The following WDR33 variants were observed in gnomAD, a reference collection of about 807,000 sequenced individuals.
The protein encoded by WDR33 is pre-mRNA 3' end processing protein WDR33.
A neutral mutation model predicts 164.9 loss-of-function variants in WDR33; 47 were observed. The ratio of observed to expected loss-of-function variants is 0.29; its 90% CI spans 0.23 to 0.36. The LOEUF is 0.36. Ranked by LOEUF, WDR33 falls within the 10% of genes least tolerant of loss-of-function variation. The pLI, the probability that WDR33 is intolerant of heterozygous loss-of-function variation, is 1.00. For missense variants in WDR33, 1,137 were observed against 1,754.1 expected (o/e 0.65, Z 6.28); for synonymous variants, 505 against 589.0 (o/e 0.86, Z 2.06).
intron 2 of WDR33, among the ~76,000 whole-genome samples, chr2:127,769,369 T>C (rs944742139): frequency 2.6e-5 from 4 of 152,040 alleles, no homozygotes; most frequent in African/African-American, 9.7e-5. Flanking sequence ...AGGCGGAGGT[T>C]GCAGTGAGCT....
intron 7 of WDR33, among the ~76,000 whole-genome samples, chr2:127,734,426 T>C (rs1686789188): frequency 6.6e-6 from 1 of 152,236 alleles, no homozygotes; most frequent in African/African-American, 2.4e-5. Flanking sequence ...GATTAACCTG[T>C]GTCTAATATG....
intron 7 of WDR33, among the ~76,000 whole-genome samples, chr2:127,752,914 A>G (rs1687414421): frequency 6.6e-6 from 1 of 151,742 alleles, no homozygotes; most frequent in African/African-American, 2.4e-5. Flanking sequence ...CACTTATAAG[A>G]CTTTATTTAT....
chr2:127,754,794 C>A (rs1687474858), intron 7 of WDR33, among the ~76,000 whole-genome samples: 2 of 152,086 alleles, frequency 1.3e-5, no homozygotes, highest in Admixed American at 6.5e-5. Flanking sequence ...ATATCCTTCT[C>A]ATCCCCTATA....
Position 127,708,120 on chromosome 2 carries a change from T to G in WDR33, c.3781+557A>C, listed in dbSNP as rs1311446887. 1.3e-5 allele frequency among the ~76,000 whole-genome samples: 2 copies of G among 152,158 alleles called. No individual in the cohort carries two copies. Among genetic ancestry groups the G allele is most frequent in the East Asian group, 3.9e-4 (2 of 5,194 alleles). On this transcript the variant is annotated intron_variant, in intron 21 of 21. Transcript: ENST00000322313. This position sits in a 1 kb window ranked among gnomAD's most constrained non-coding sequence, Gnocchi z 6.7. ...CTGCCTTGCAACCAGAGTTGTATAG[T>G]CAGCCTTCAGAGGCAACTACTCCTG...
At chr2:127,761,584 A>AT (rs1687678362) in intron 7 of WDR33, among the ~76,000 whole-genome samples, 1 of 152,122 alleles carries the variant, frequency 6.6e-6, no homozygotes, top group African/African-American at 2.4e-5. Context: ...TGTTTCACTT[A>AT]TTTCTGTTTA....
chr2:127,730,907 T>C (rs903535937), intron 7 of WDR33, among the ~76,000 whole-genome samples: 1 of 151,684 alleles, frequency 6.6e-6, no homozygotes, highest in African/African-American at 2.4e-5. Context: ...TTTTTTTTGT[T>C]TGTTTGTTTG....
At chr2:127,767,312 A>G (rs1687852675) in intron 4 of WDR33, among the ~76,000 whole-genome samples, 1 of 152,192 alleles carries the variant, frequency 6.6e-6, no homozygotes. Context: ...TAGCTAGGAA[A>G]TGGAATAATC....
intron 1 of WDR33, among the ~76,000 whole-genome samples, chr2:127,773,675 T>C (rs991608717): frequency 5.3e-5 from 8 of 152,214 alleles, no homozygotes; most frequent in Non-Finnish European, 1.2e-4. Flanking sequence ...AGTTATTCCA[T>C]GAATCCAATT....
At chr2:127,772,601 T>C (rs1179669110) in intron 1 of WDR33, among the ~76,000 whole-genome samples, 5 of 152,106 alleles carry the variant, frequency 3.3e-5, no homozygotes, top group Admixed American at 3.3e-4. Context: ...CCTTATTTCA[T>C]ATCTATAATG....
At position 127,712,023 on chromosome 2, in the gene WDR33, C is replaced by T. The variant is rs1421013317; in HGVS notation, c.3308+1560G>A. On this transcript the variant is annotated intron_variant, in intron 18 of 21. Coordinates refer to ENST00000322313, the MANE Select transcript of WDR33 (RefSeq NM_018383.5). This position sits in a 1 kb window ranked among gnomAD's most constrained non-coding sequence, Gnocchi z 4.0. The stretch of plus-strand genomic sequence containing the variant: ...TCCTGACCTCGTGATACACCCACCT[C>T]GGCCTCCCAAAGTGCTGGGATTACA... Among the ~76,000 whole-genome samples, 4 of 151,544 alleles carry T rather than the reference C, an allele frequency of 2.6e-5. No individual in the cohort carries two copies. Among genetic ancestry groups the T allele is most frequent in the Admixed American group, 6.6e-5 (1 of 15,248 alleles).
At chr2:127,799,394 G>A (rs561154309) in intron 1 of WDR33, among the ~76,000 whole-genome samples, 1 of 152,226 alleles carries the variant, frequency 6.6e-6, no homozygotes, top group East Asian at 1.9e-4. Context: ...TCATGTATCC[G>A]ATGAGACTTG....
chr2:127,768,414 C>A, intron 3 of WDR33, 121 bp from the exon 4 acceptor site: 3 of 528,008 alleles, frequency 5.7e-6, no homozygotes, highest in South Asian at 3.8e-5. Flanking sequence ...TAGAACTTTC[C>A]CATAAAAACT....
At chr2:127,777,547 G>T (rs1348783342) in intron 1 of WDR33, among the ~76,000 whole-genome samples, 3 of 152,184 alleles carry the variant, frequency 2.0e-5, no homozygotes, top group Non-Finnish European at 4.4e-5. Context: ...TTTCAACAAT[G>T]TGGTGACTAT....
Position 127,736,720 on chromosome 2 carries a change from C to T in WDR33, c.725-9943G>A, listed in dbSNP as rs1686855811. The T allele has an allele frequency of 5.1e-6, 5 of 985,270 alleles. No individual in the cohort carries two copies. The South Asian group carries it at 2.3e-4, about 46-fold the overall frequency. The allele number at this position is 985,270 out of a possible 1,614,324, so 61.0% of individuals were successfully genotyped here. On this transcript the variant is annotated intron_variant, in intron 7 of 21. Transcript: ENST00000322313. ...CGTGTAACTTCTTAAGTACTTCTGGCATCAAAGTGAGCAAATTCTTATGAC... is the reference window on the plus strand; with the variant it reads ...CGTGTAACTTCTTAAGTACTTCTGGTATCAAAGTGAGCAAATTCTTATGAC...
At chr2:127,779,531 C>T (rs572083188) in intron 1 of WDR33, among the ~76,000 whole-genome samples, 2 of 152,128 alleles carry the variant, frequency 1.3e-5, no homozygotes, top group Non-Finnish European at 2.9e-5. Context: ...TGTTTTTGTG[C>T]AACTACTGTT....
At chr2:127,733,384 T>C (rs1686758935) in intron 7 of WDR33, among the ~76,000 whole-genome samples, 1 of 152,138 alleles carries the variant, frequency 6.6e-6, no homozygotes, top group African/African-American at 2.4e-5. Flanking sequence ...TATGGGCACA[T>C]GAAAGATTCA....
chr2:127,785,656 TTTTG>T (rs199819950), intron 1 of WDR33, among the ~76,000 whole-genome samples: 2 of 151,210 alleles, frequency 1.3e-5, no homozygotes, highest in African/African-American at 4.9e-5. Flanking sequence ...GATAGCTTTT[TTTTG>T]TTTTTACTAC....
intron 7 of WDR33, among the ~76,000 whole-genome samples, chr2:127,740,938 C>T (rs1686997056): frequency 6.6e-6 from 1 of 152,140 alleles, no homozygotes; most frequent in Non-Finnish European, 1.5e-5. Context: ...TGGCCATTCT[C>T]TAAAAACAGA....
Position 127,764,625 on chromosome 2 carries a change from G to A in WDR33, c.626+203C>T, listed in dbSNP as rs766366836. The A allele has an allele frequency of 3.2e-6, 5 of 1,554,686 alleles. No individual in the cohort carries two copies. Among genetic ancestry groups the A allele is most frequent in the Non-Finnish European group, 4.4e-6 (5 of 1,148,268 alleles). On this transcript the variant is annotated intron_variant, in intron 6 of 21. Coordinates refer to ENST00000322313, the MANE Select transcript of WDR33 (RefSeq NM_018383.5). This position sits in a 1 kb window ranked among gnomAD's most constrained non-coding sequence, Gnocchi z 6.2. ...AGTACATCTCTAACATATTGCAAAG[G>A]CTGATACCGGGACAACACTACTTCA... is the stretch of plus-strand genomic sequence containing the variant.
Sources: allele counts gnomAD v4.1 joint callset (sites outside exome capture counted in the v4.1 genomes callset), GRCh38; gene constraint gnomAD v4.1.1; non-coding constraint Gnocchi (gnomAD v3.1); transcripts MANE v1.5; gene names NCBI Gene and HGNC (gene_info 2026-07-23, HGNC 2026-07-21).